Variants in CACNA1C observed in about 807,000 individuals in gnomAD.
CACNA1C encodes voltage-dependent L-type calcium channel subunit alpha-1C.
Under a neutral mutation model 229.0 loss-of-function variants are expected in CACNA1C, and 30 were observed. That is an observed-to-expected ratio of 0.13 (90% confidence interval 0.10 to 0.18). The LOEUF (loss-of-function observed/expected upper bound fraction) is 0.18. Among genes scored for constraint, CACNA1C ranks in the 10% least tolerant of loss-of-function variants. The pLI is 1.00. For missense variants in CACNA1C, 1,658 were observed against 2,845.0 expected, an observed-to-expected ratio of 0.58 and a Z score of 9.49; for synonymous variants, 1,114 against 1,132.5, an observed-to-expected ratio of 0.98 and a Z score of 0.33.
At chr12:2,117,777 G>A (rs1004174711) in intron 2 of CACNA1C, among the ~76,000 whole-genome samples, 10 of 152,238 alleles carry the variant, frequency 6.6e-5, no homozygotes, top group Non-Finnish European at 1.2e-4. Flanking sequence ...CCTACTCCCT[G>A]GGTGCTGTGG....
At chr12:2,226,271 T>G (rs188447474) in intron 3 of CACNA1C, among the ~76,000 whole-genome samples, 3 of 152,256 alleles carry the variant, frequency 2.0e-5, no homozygotes, top group African/African-American at 7.2e-5. Context: ...TTTCACTGAT[T>G]TGATCTCATT....
chr12:2,067,271 C>T lies in CACNA1C; in HGVS notation c.49+13660C>T, dbSNP rs1029742994. On this transcript the variant is annotated intron_variant, in intron 1 of 46. Transcript: ENST00000399655. This position sits in a 1 kb window ranked among gnomAD's most constrained non-coding sequence, Gnocchi z 5.3. ...GAGTCTGAATCCCCCAGCCTGCCTC[C>T]ATCCCAGGTGGATTAGTCATCAGAA... is the stretch of plus-strand genomic sequence containing the variant. 1.3e-4 allele frequency among the ~76,000 whole-genome samples: 20 copies of T among 152,126 alleles called. No homozygotes were observed. The highest frequency in any genetic ancestry group is 2.8e-4 in the Non-Finnish European group (19 of 68,022).
chr12:2,068,280 C>G (rs559957005), intron 1 of CACNA1C, among the ~76,000 whole-genome samples: 1 of 152,102 alleles, frequency 6.6e-6, no homozygotes. Flanking sequence ...CAGCAGGTAC[C>G]CCCCAGACCC....
intron 3 of CACNA1C, among the ~76,000 whole-genome samples, chr12:2,171,233 C>G (rs1345714091): frequency 1.3e-5 from 2 of 152,190 alleles, no homozygotes; most frequent in African/African-American, 2.4e-5. Context: ...AGAGGAGTGT[C>G]TGATGGAACA....
At chr12:2,283,020 C>CTTT (rs374051091) in intron 3 of CACNA1C, among the ~76,000 whole-genome samples, 1,556 of 144,362 alleles carry the variant, frequency 0.011, 18 homozygotes, top group African/African-American at 0.037. Flanking sequence ...CACTCTGGCC[C>CTTT]TTTTTTTTTT....
In CACNA1C at chr12:2,643,049, A is replaced by G. The variant is rs2093909040; in HGVS notation, c.3913-5426A>G. 4.6e-5 allele frequency among the ~76,000 whole-genome samples: 7 copies of G among 152,366 alleles called. No individual in the cohort carries two copies. The South Asian group carries it at 1.4e-3, about 32-fold the overall frequency. On this transcript the variant is annotated intron_variant, in intron 30 of 46. Coordinates refer to ENST00000399655, the MANE Select transcript of CACNA1C (RefSeq NM_000719.7). ...GCTTCACACACAAAGCAGGAAGAGCAAAAGAGGGCCAGGAGCTGCAGCCCC... is the reference window on the plus strand; with the variant it reads ...GCTTCACACACAAAGCAGGAAGAGCGAAAGAGGGCCAGGAGCTGCAGCCCC...
intron 1 of CACNA1C, among the ~76,000 whole-genome samples, chr12:2,081,733 T>C (rs2065735677): frequency 6.6e-6 from 1 of 152,136 alleles, no homozygotes; most frequent in Non-Finnish European, 1.5e-5. Flanking sequence ...AAGATTAAGA[T>C]TTAGGATGAT....
At chr12:2,562,147 C>A (rs2047834178) in intron 11 of CACNA1C, among the ~76,000 whole-genome samples, 1 of 151,328 alleles carries the variant, frequency 6.6e-6, no homozygotes, top group Admixed American at 6.6e-5. Flanking sequence ...AAAGGGACAC[C>A]GTCCTGTCCA....
intron 1 of CACNA1C, among the ~76,000 whole-genome samples, chr12:2,042,083 T>G (rs1026719458): frequency 6.6e-6 from 1 of 152,244 alleles, no homozygotes; most frequent in Non-Finnish European, 1.5e-5. Context: ...TCCAATAAAA[T>G]ATAAACACTG....
At chr12:2,038,405 G>C (rs982721566) in intron 1 of CACNA1C, among the ~76,000 whole-genome samples, 8 of 152,072 alleles carry the variant, frequency 5.3e-5, no homozygotes, top group Non-Finnish European at 7.4e-5. Context: ...TAACAGACTG[G>C]ACCCCCAAGC....
intron 1 of CACNA1C, among the ~76,000 whole-genome samples, chr12:2,074,556 T>C (rs1035957081): frequency 6.6e-6 from 1 of 152,140 alleles, no homozygotes; most frequent in African/African-American, 2.4e-5. Context: ...TGGGGTCTCC[T>C]CTGGGAGATG....
chr12:2,222,426 A>G (rs1049319370), intron 3 of CACNA1C: 1 of 152,208 alleles, frequency 6.6e-6, no homozygotes, highest in Non-Finnish European at 1.5e-5. Context: ...GGCTGCTTCA[A>G]TTTGCAGTGG....
At chr12:2,674,193 C>T (rs942511819) in intron 38 of CACNA1C, among the ~76,000 whole-genome samples, 2 of 152,224 alleles carry the variant, frequency 1.3e-5, no homozygotes, top group Admixed American at 6.5e-5. Flanking sequence ...AGCGCATGGC[C>T]GCCATTGTTC....
intron 16 of CACNA1C, 126 bp downstream of exon 16, chr12:2,584,743 G>C (rs2061787257): frequency 1.6e-6 from 1 of 643,780 alleles, no homozygotes; most frequent in East Asian, 2.6e-5. Context: ...AGGACTCTGG[G>C]TTTGGGGCTT....
At chr12:2,565,276 G>A (rs2049936883) in intron 11 of CACNA1C, among the ~76,000 whole-genome samples, 1 of 151,574 alleles carries the variant, frequency 6.6e-6, no homozygotes, top group African/African-American at 2.4e-5. Context: ...AGACCATCCT[G>A]GCTAACAAGG....
intron 1 of CACNA1C, among the ~76,000 whole-genome samples, chr12:1,976,539 G>A (rs1314584497): frequency 6.6e-6 from 1 of 152,150 alleles, no homozygotes; most frequent in Non-Finnish European, 1.5e-5. Context: ...CACTGCTCAT[G>A]ATGTGAATGA....
intron 9 of CACNA1C, among the ~76,000 whole-genome samples, chr12:2,513,642 T>G (rs956436653): frequency 6.6e-6 from 1 of 152,200 alleles, no homozygotes; most frequent in Non-Finnish European, 1.5e-5. Flanking sequence ...AAGTGATGGA[T>G]GACATTGACT....
At chr12:2,635,857 T>C (rs1050036519) in intron 30 of CACNA1C, among the ~76,000 whole-genome samples, 3 of 152,090 alleles carry the variant, frequency 2.0e-5, no homozygotes, top group African/African-American at 7.2e-5. Context: ...CATGTGTGCA[T>C]GTGTGTATGT....
chr12:2,226,877 G>C (rs1035661099), intron 3 of CACNA1C, among the ~76,000 whole-genome samples: 6 of 152,226 alleles, frequency 3.9e-5, no homozygotes, highest in African/African-American at 1.4e-4. Flanking sequence ...CTTTTCTAAT[G>C]AATGCGCTGG....
Sources: allele counts gnomAD v4.1 joint callset (sites outside exome capture counted in the v4.1 genomes callset), GRCh38; gene constraint gnomAD v4.1.1; non-coding constraint Gnocchi (gnomAD v3.1); transcripts MANE v1.5; gene names NCBI Gene and HGNC (gene_info 2026-07-23, HGNC 2026-07-21).